CCDC63: variants seen among roughly 807,000 people sequenced by gnomAD.
CCDC63 encodes coiled-coil domain-containing protein 63.
In CCDC63, 54 loss-of-function variants were observed where a neutral mutation model predicts 63.6. The observed-to-expected ratio is 0.85, with a 90% CI of 0.68 to 1.07. CCDC63 has a LOEUF of 1.07. Among genes scored for constraint, CCDC63 ranks in the 50% least tolerant of loss-of-function variants. The pLI, the probability that CCDC63 is intolerant of heterozygous loss-of-function variation, is 0.00. For missense variants in CCDC63, 637 were observed against 689.6 expected (o/e 0.92, Z 0.86); for synonymous variants, 253 against 266.1 (o/e 0.95, Z 0.48).
chr12:110,858,454 C>T (rs926335927), intron 3 of CCDC63, 132 bp from the exon 4 acceptor site: 13 of 684,612 alleles, frequency 1.9e-5, no homozygotes, highest in East Asian at 2.8e-5. Context: ...ACCATGGACA[C>T]GTCCCTTTTG....
At chr12:110,858,469 C>A in intron 3 of CCDC63, 117 bp from the exon 4 acceptor site, 1 of 845,302 alleles carries the variant, frequency 1.2e-6, no homozygotes, top group Non-Finnish European at 1.8e-6. Context: ...CTTTTGCCTG[C>A]TTGCTCAGGT....
chr12:110,895,664 G>A (rs909186618), intron 9 of CCDC63, among the ~76,000 whole-genome samples: 1 of 152,172 alleles, frequency 6.6e-6, no homozygotes, highest in South Asian at 2.1e-4. Context: ...CAACCTCTCT[G>A]AGCCTCAGTT....
At position 110,904,731 on chromosome 12, in the gene CCDC63, C is replaced by T; in HGVS notation, c.1486C>T (p.Pro496Ser). 6.2e-7 allele frequency: 1 copy of T among 1,614,082 alleles called. No individual in the cohort carries two copies. The highest frequency in any genetic ancestry group is 8.5e-7 in the Non-Finnish European group (1 of 1,180,006). Residue 496 changes from proline (P) to serine (S), a missense_variant, in exon 11 of 12, where the codon CCC (proline) becomes TCC (serine). By Grantham distance (74) the Pro-to-Ser change is moderately conservative (BLOSUM62 -1). Coordinates refer to ENST00000308208, the MANE Select transcript of CCDC63 (RefSeq NM_152591.3). ...GGSALLKPPE[P>S]IKVIPPVLGA... The stretch of plus-strand genomic sequence containing the variant: ...CTCTGCCCTCCTCAAGCCCCCAGAA[C>T]CCATCAAAGTCATCCCCCCAGTGCT...
intron 9 of CCDC63, among the ~76,000 whole-genome samples, chr12:110,898,186 G>T (rs117296409): frequency 6.6e-6 from 1 of 151,922 alleles, no homozygotes; most frequent in Non-Finnish European, 1.5e-5. Context: ...GGAGGCTAAC[G>T]TGGGAGGATA....
At chr12:110,847,372 C>T (rs1429405606) in intron 1 of CCDC63, among the ~76,000 whole-genome samples, 1 of 151,904 alleles carries the variant, frequency 6.6e-6, no homozygotes, top group African/African-American at 2.4e-5. Flanking sequence ...GAGACCAGCT[C>T]GGGCAAATTC....
chr12:110,902,411 T>C (rs2071499930), intron 10 of CCDC63, among the ~76,000 whole-genome samples: 1 of 152,194 alleles, frequency 6.6e-6, no homozygotes, highest in Admixed American at 6.6e-5. Flanking sequence ...TCCAAATCCA[T>C]TGCTGCCCCT....
chr12:110,884,852 A>ATTTTTTTTTT (rs34391026), intron 8 of CCDC63, among the ~76,000 whole-genome samples: 3 of 130,686 alleles, frequency 2.3e-5, no homozygotes, highest in Admixed American at 7.9e-5. Context: ...ACGCCCTGCT[A>ATTTTTTTTTT]TTTTTTTTTT....
chr12:110,875,448 T>C (rs982857460), intron 5 of CCDC63, among the ~76,000 whole-genome samples: 1 of 149,200 alleles, frequency 6.7e-6, no homozygotes, highest in African/African-American at 2.4e-5. Flanking sequence ...TAGGTATAAT[T>C]TTTTTTTTTT....
intron 10 of CCDC63, among the ~76,000 whole-genome samples, chr12:110,903,051 A>G (rs1363653977): frequency 1.3e-5 from 2 of 151,940 alleles, no homozygotes; most frequent in East Asian, 1.9e-4. Flanking sequence ...TCCAGCTTGT[A>G]TTTTCAGTAG....
At chr12:110,886,825 C>T (rs1183381892) in intron 8 of CCDC63, among the ~76,000 whole-genome samples, 11 of 152,180 alleles carry the variant, frequency 7.2e-5, no homozygotes, top group Admixed American at 3.3e-4. Context: ...ATGCCACTCT[C>T]TGTCCCCCTC....
intron 4 of CCDC63, among the ~76,000 whole-genome samples, chr12:110,868,731 GAGGGAGAGGGA>G (rs2071017285): frequency 4.4e-5 from 5 of 113,402 alleles, no homozygotes; most frequent in Admixed American, 8.5e-5. Context: ...GAGGGAGAGG[GAGGGAGAGGGA>G]GAGGGGGAGG....
chr12:110,898,328 A>T (rs1051778428), intron 9 of CCDC63, among the ~76,000 whole-genome samples: 1 of 151,642 alleles, frequency 6.6e-6, no homozygotes, highest in Non-Finnish European at 1.5e-5. Flanking sequence ...AACAGCTTTT[A>T]AAAAATATTG....
At chr12:110,895,444 A>G (rs1187059593) in intron 9 of CCDC63, among the ~76,000 whole-genome samples, 1 of 152,214 alleles carries the variant, frequency 6.6e-6, no homozygotes. Context: ...ATAGACTCAC[A>G]GATGTTTCCT....
chr12:110,883,360 G>C (rs2071234024), intron 7 of CCDC63, among the ~76,000 whole-genome samples: 1 of 152,102 alleles, frequency 6.6e-6, no homozygotes, highest in Non-Finnish European at 1.5e-5. Flanking sequence ...TTTTGTAGAG[G>C]TGGGGTCTTG....
At chr12:110,886,564 T>C (rs1014313467) in intron 8 of CCDC63, among the ~76,000 whole-genome samples, 1 of 152,150 alleles carries the variant, frequency 6.6e-6, no homozygotes, top group African/African-American at 2.4e-5. Flanking sequence ...AATGAGGATA[T>C]GGCTGCCTGC....
At chr12:110,859,642 A>G (rs1164574909) in intron 4 of CCDC63, among the ~76,000 whole-genome samples, 1 of 151,988 alleles carries the variant, frequency 6.6e-6, no homozygotes, top group Admixed American at 6.6e-5. Context: ...CAGGGGCTCA[A>G]AATAGTCGTG....
chr12:110,898,874 C>G, intron 9 of CCDC63, 59 bp from the exon 10 acceptor site: 1 of 1,419,442 alleles, frequency 7.0e-7, no homozygotes, highest in Non-Finnish European at 9.4e-7. Flanking sequence ...CAGAGGGTCC[C>G]AAACACCCTG....
intron 1 of CCDC63, among the ~76,000 whole-genome samples, chr12:110,852,286 C>T (rs950608022): frequency 6.6e-6 from 1 of 152,058 alleles, no homozygotes; most frequent in African/African-American, 2.4e-5. Context: ...GATGGAGTCT[C>T]ACTCTGTCAC....
chr12:110,892,420 TAAAAAAAGA>T (rs1313670064), intron 8 of CCDC63, among the ~76,000 whole-genome samples: 26 of 150,440 alleles, frequency 1.7e-4, no homozygotes, highest in African/African-American at 5.6e-4. Flanking sequence ...TCTATAAAAA[TAAAAAAAGA>T]AAAAAAAGAA....
Sources: allele counts gnomAD v4.1 joint callset (sites outside exome capture counted in the v4.1 genomes callset), GRCh38; gene constraint gnomAD v4.1.1; transcripts MANE v1.5; gene names NCBI Gene and HGNC (gene_info 2026-07-23, HGNC 2026-07-21).